The following CHRM2 variants were observed in gnomAD, a reference collection of about 807,000 sequenced individuals.
CHRM2 encodes the protein cholinergic receptor muscarinic 2.
CHRM2 carries 8 observed loss-of-function variants against 25.0 expected under a neutral mutation model. That is an observed-to-expected ratio of 0.32 (90% CI 0.19 to 0.58). The LOEUF (loss-of-function observed/expected upper bound fraction) is 0.58. Among genes scored for constraint, CHRM2 ranks in the 20% least tolerant of loss-of-function variants. The pLI is 0.88. For synonymous variants in CHRM2, 202 were observed against 205.7 expected, an observed-to-expected ratio of 0.98 and a Z score of 0.15; for missense variants, 440 against 567.1, an observed-to-expected ratio of 0.78 and a Z score of 2.28.
intron 2 of CHRM2, among the ~76,000 whole-genome samples, chr7:136,987,522 G>A (rs1218863873): frequency 6.6e-6 from 1 of 152,146 alleles, no homozygotes; most frequent in Admixed American, 6.5e-5. Context: ...TTAACATCAC[G>A]TATTGTACAC....
intron 2 of CHRM2, among the ~76,000 whole-genome samples, chr7:136,886,186 T>C (rs1796457902): frequency 6.6e-6 from 1 of 152,172 alleles, no homozygotes; most frequent in Non-Finnish European, 1.5e-5. Flanking sequence ...GATTGTTAGA[T>C]TGGTCAAATG....
chr7:136,957,502 T>C (rs942894966), intron 2 of CHRM2, among the ~76,000 whole-genome samples: 8 of 152,228 alleles, frequency 5.3e-5, no homozygotes, highest in Admixed American at 2.0e-4. Context: ...TTATTTGCTG[T>C]GCAATGACAT....
chr7:137,003,992 G>C (rs1382878496), intron 3 of CHRM2, among the ~76,000 whole-genome samples: 1 of 152,100 alleles, frequency 6.6e-6, no homozygotes, highest in Non-Finnish European at 1.5e-5. Context: ...GGTCCTTCCA[G>C]TCCTGTGAAA....
chr7:136,900,417 C>T (rs547835267), intron 2 of CHRM2, among the ~76,000 whole-genome samples: 12 of 152,016 alleles, frequency 7.9e-5, no homozygotes, highest in Non-Finnish European at 1.8e-4. Flanking sequence ...CAGGAGGCTG[C>T]GTTGAAAACT....
Position 137,017,188 on chromosome 7 carries a change from T to A in CHRM2, c.*922T>A, listed in dbSNP as rs6962027. ...AAACATAAACCTGTTTAAGAAACCA[T>A]CGTCACTGTAAAGTTGAGGTTTCAT... On this transcript the variant is annotated 3_prime_UTR_variant, in exon 4 of 4. Transcript: ENST00000680005. The A allele has an allele frequency of 0.58, 88,200 of 151,792 alleles. 27,643 individuals are homozygous for A. Among genetic ancestry groups the A allele is most frequent in the African/African-American group, 0.78 (32,284 of 41,440 alleles). 9.4% of individuals were successfully genotyped at this position (151,792 alleles called of 1,614,324 possible).
At chr7:136,884,996 C>T (rs1227994358) in intron 2 of CHRM2, among the ~76,000 whole-genome samples, 1 of 152,166 alleles carries the variant, frequency 6.6e-6, no homozygotes, top group African/African-American at 2.4e-5. Flanking sequence ...GCTCCCCAAG[C>T]TTACAGATGA....
chr7:136,911,815 A>G (rs1472033780), intron 2 of CHRM2, among the ~76,000 whole-genome samples: 1 of 151,880 alleles, frequency 6.6e-6, no homozygotes, highest in African/African-American at 2.4e-5. Flanking sequence ...ATAAATGTGG[A>G]TTACGACAAG....
rs76518506 is a variant in CHRM2 at position 137,016,887 on chromosome 7, C to G, written c.*621C>G. The stretch of plus-strand genomic sequence containing the variant: ...AGAGAAAGCAAACAAACAGAAACCC[C>G]AACTAGGTCACACCATTTTTCTTCT... On this transcript the variant is annotated 3_prime_UTR_variant, in exon 4 of 4. Transcript: ENST00000680005. 0.019 allele frequency: 3,253 copies of G among 167,268 alleles called. 46 individuals carry two copies. Among genetic ancestry groups the G allele is most frequent in the Middle Eastern group, 0.047 (14 of 296 alleles). 10.4% of individuals were successfully genotyped at this position (167,268 alleles called of 1,614,324 possible).
At chr7:136,970,861 C>A (rs981329116) in intron 2 of CHRM2, among the ~76,000 whole-genome samples, 1 of 152,158 alleles carries the variant, frequency 6.6e-6, no homozygotes, top group Non-Finnish European at 1.5e-5. Flanking sequence ...TTGCTTGGGT[C>A]CCAAATCTAA....
chr7:136,994,529 T>C (rs1251977959), intron 3 of CHRM2, among the ~76,000 whole-genome samples: 2 of 142,800 alleles, frequency 1.4e-5, no homozygotes, highest in East Asian at 2.0e-4. Flanking sequence ...TTCTTTTTTT[T>C]TTTTTTTTTT....
chr7:136,981,697 C>T (rs185101154), intron 2 of CHRM2, among the ~76,000 whole-genome samples: 9 of 152,232 alleles, frequency 5.9e-5, no homozygotes, highest in Admixed American at 1.3e-4. Flanking sequence ...ACCTTAATTT[C>T]GCTATTTACC....
chr7:136,880,906 G>T (rs1382382869), intron 2 of CHRM2, among the ~76,000 whole-genome samples: 1 of 151,638 alleles, frequency 6.6e-6, no homozygotes, highest in Admixed American at 6.6e-5. Flanking sequence ...TTTGAGTAAG[G>T]CTAAGGCTAT....
intron 2 of CHRM2, among the ~76,000 whole-genome samples, chr7:136,922,050 A>C (rs1798476961): frequency 6.6e-6 from 1 of 152,168 alleles, no homozygotes; most frequent in African/African-American, 2.4e-5. Context: ...TACAGGCATA[A>C]GCCACTGTGC....
chr7:136,949,726 T>C (rs548984178), intron 2 of CHRM2, among the ~76,000 whole-genome samples: 2 of 130,896 alleles, frequency 1.5e-5, no homozygotes, highest in East Asian at 4.7e-4. Context: ...ACATCAACTT[T>C]TTAAAACAGT....
Position 136,995,225 on chromosome 7 carries a change from T to C in CHRM2, c.-47+2961T>C, listed in dbSNP as rs191185185. Among the ~76,000 whole-genome samples, 262 of 152,198 alleles carry C rather than the reference T, an allele frequency of 1.7e-3. 1 individual carries two copies. Among genetic ancestry groups the C allele is most frequent in the East Asian group, 9.9e-3 (51 of 5,168 alleles). ...TATACATACATCACAATTAGAAATATAGTGGCAAAAAGATCCCATTCACTG... is the reference window on the plus strand; with the variant it reads ...TATACATACATCACAATTAGAAATACAGTGGCAAAAAGATCCCATTCACTG... On this transcript the variant is annotated intron_variant, in intron 3 of 3. Transcript: ENST00000680005.
chr7:136,878,705 A>AATT (rs916208544), intron 2 of CHRM2, among the ~76,000 whole-genome samples: 1 of 151,938 alleles, frequency 6.6e-6, no homozygotes, highest in Non-Finnish European at 1.5e-5. Context: ...CGATGTGGTA[A>AATT]ATTTATTCCT....
intron 3 of CHRM2, among the ~76,000 whole-genome samples, chr7:137,008,077 A>G (rs901212415): frequency 1.3e-4 from 20 of 152,142 alleles, no homozygotes; most frequent in Admixed American, 8.5e-4. Context: ...TATGTCAGAA[A>G]AAAAATATAG....
In CHRM2 at chr7:136,907,920, G is replaced by T. The variant is rs974928731; in HGVS notation, c.-125+38502G>T. On this transcript the variant is annotated intron_variant, in intron 2 of 3. Coordinates refer to ENST00000680005, the MANE Select transcript of CHRM2 (RefSeq NM_001006630.2). ...TTGTTTCTATGACCAGTATCATTCT[G>T]CCTTTCCAAAGTGATGCTTCTCCAT... is the stretch of plus-strand genomic sequence containing the variant. The T allele has an allele frequency of 3.3e-5, 5 of 151,892 alleles. 1 individual carries two copies. The highest frequency in any genetic ancestry group is 6.6e-5 in the Admixed American group (1 of 15,222). 9.4% of individuals were successfully genotyped at this position (151,892 alleles called of 1,614,324 possible).
intron 2 of CHRM2, among the ~76,000 whole-genome samples, chr7:136,882,713 T>A (rs1796313054): frequency 6.6e-6 from 1 of 152,098 alleles, no homozygotes; most frequent in Admixed American, 6.6e-5. Context: ...GAAACCAATA[T>A]TTTATCTAAG....
Sources: gnomAD v4.1 joint callset for allele counts (sites outside exome capture counted in the v4.1 genomes callset) on GRCh38, gnomAD v4.1.1 for gene constraint, MANE v1.5 for transcripts, NCBI Gene and HGNC (gene_info 2026-07-23, HGNC 2026-07-21) for gene names.